MPZL1: variants seen among roughly 807,000 people sequenced by gnomAD.
The protein encoded by MPZL1 is myelin protein zero-like protein 1.
A neutral mutation model predicts 29.3 loss-of-function variants in MPZL1; 16 were observed. The ratio of observed to expected loss-of-function variants is 0.55; its 90% CI spans 0.37 to 0.83. The LOEUF (loss-of-function observed/expected upper bound fraction) is 0.83. MPZL1 is among the 40% of genes least tolerant of loss of function. The probability of loss-of-function intolerance (pLI) is 0.00; values close to 1 mark genes in which losing one functional copy is unlikely to be tolerated. For synonymous variants in MPZL1, 143 were observed against 132.0 expected (o/e 1.08, Z -0.57); for missense variants, 279 against 332.9 (o/e 0.84, Z 1.26).
intron 1 of MPZL1, among the ~76,000 whole-genome samples, chr1:167,733,456 G>A (rs1367080011): frequency 6.6e-6 from 1 of 152,160 alleles, no homozygotes; most frequent in Non-Finnish European, 1.5e-5. Flanking sequence ...TGAAAGGTGT[G>A]TCCTCTGGCT....
chr1:167,728,145 T>C (rs2101745437), intron 1 of MPZL1, among the ~76,000 whole-genome samples: 1 of 151,614 alleles, frequency 6.6e-6, no homozygotes, highest in East Asian at 1.9e-4. Flanking sequence ...GTTCAAGCGA[T>C]TCTTCTGCCT....
intron 5 of MPZL1, among the ~76,000 whole-genome samples, chr1:167,782,663 A>G (rs1324861746): frequency 9.2e-5 from 14 of 152,240 alleles, no homozygotes; most frequent in Non-Finnish European, 1.3e-4. Flanking sequence ...TACCTTACGT[A>G]TCAAAAAGGA....
chr1:167,769,324 A>T (rs182346334), intron 2 of MPZL1, among the ~76,000 whole-genome samples: 166 of 152,308 alleles, frequency 1.1e-3, no homozygotes, highest in African/African-American at 3.8e-3. Context: ...AGCAAAGGAC[A>T]AATTTGTGTA....
rs755348064 is a variant in MPZL1 at position 167,751,899 on chromosome 1, A to T, written c.92-13684A>T. Among the ~76,000 whole-genome samples the T allele has an allele frequency of 1.3e-3, 198 of 152,298 alleles. 1 individual carries two copies. Among genetic ancestry groups the T allele is most frequent in the Non-Finnish European group, 2.4e-3 (164 of 68,008 alleles). ...ACAAAAATCCTTTGGGGAAAAAATT[A>T]TTCCAATAAATTTTCCAGTAATTAT... On this transcript the variant is annotated intron_variant, in intron 1 of 5. Transcript: ENST00000359523.
intron 1 of MPZL1, among the ~76,000 whole-genome samples, chr1:167,750,738 T>C (rs1023128489): frequency 4.6e-5 from 7 of 152,220 alleles, no homozygotes; most frequent in Non-Finnish European, 8.8e-5. Flanking sequence ...AACAGTACTG[T>C]TATCTAATAT....
intron 1 of MPZL1, among the ~76,000 whole-genome samples, chr1:167,746,856 G>A (rs1347063267): frequency 6.6e-6 from 1 of 151,634 alleles, no homozygotes; most frequent in Non-Finnish European, 1.5e-5. Flanking sequence ...TGTAGAGGGA[G>A]GCTTTATCAC....
At chr1:167,723,444 A>G (rs903431190) in intron 1 of MPZL1, among the ~76,000 whole-genome samples, 10 of 152,232 alleles carry the variant, frequency 6.6e-5, no homozygotes, top group African/African-American at 2.4e-4. Flanking sequence ...ATGATGACAC[A>G]CTTTGTGTAA....
At chr1:167,736,651 C>G (rs1462856957) in intron 1 of MPZL1, among the ~76,000 whole-genome samples, 2 of 152,114 alleles carry the variant, frequency 1.3e-5, no homozygotes, top group African/African-American at 4.8e-5. Context: ...AGATCTCTGC[C>G]AGTGTTTACC....
At chr1:167,726,980 A>G (rs1309966587) in intron 1 of MPZL1, among the ~76,000 whole-genome samples, 1 of 152,104 alleles carries the variant, frequency 6.6e-6, no homozygotes, top group Non-Finnish European at 1.5e-5. Flanking sequence ...CAAAGGACAG[A>G]TTAAATTCCC....
At chr1:167,784,305 CA>C (rs538522208) in intron 5 of MPZL1, among the ~76,000 whole-genome samples, 93 of 152,226 alleles carry the variant, frequency 6.1e-4, no homozygotes, top group Middle Eastern at 6.8e-3. Context: ...AAAACATACT[CA>C]GACCAATTTT....
At chr1:167,767,177 G>A (rs750969295) in intron 2 of MPZL1, among the ~76,000 whole-genome samples, 28 of 152,324 alleles carry the variant, frequency 1.8e-4, no homozygotes, top group Admixed American at 3.9e-4. Flanking sequence ...AGCCATAAGG[G>A]TGAGCACAGG....
intron 2 of MPZL1, among the ~76,000 whole-genome samples, chr1:167,768,411 G>A (rs1353612597): frequency 6.7e-6 from 1 of 148,440 alleles, no homozygotes; most frequent in Non-Finnish European, 1.5e-5. Flanking sequence ...TAACCTTTTA[G>A]CCCTTAAAAC....
At chr1:167,761,314 A>G (rs1660982406) in intron 1 of MPZL1, among the ~76,000 whole-genome samples, 3 of 152,192 alleles carry the variant, frequency 2.0e-5, no homozygotes, top group Admixed American at 2.0e-4. Context: ...GTGGTAATTC[A>G]GTAGTGAGTG....
At chr1:167,728,669 C>T (rs1165856771) in intron 1 of MPZL1, among the ~76,000 whole-genome samples, 1 of 152,036 alleles carries the variant, frequency 6.6e-6, no homozygotes, top group African/African-American at 2.4e-5. Flanking sequence ...ACTGTGATAC[C>T]TTATGATACC....
rs963499660 is a variant in MPZL1, at chr1:167,788,873, CT to C, written c.*955del. On this transcript the variant is annotated 3_prime_UTR_variant, in exon 6 of 6. Coordinates refer to ENST00000359523, the MANE Select transcript of MPZL1 (RefSeq NM_003953.6). ...AGCTCGCTCTCTAGAGAATCACCTT[CT>C]TTCGCTTTTTTTTTTTTTTTTGAGG... is the stretch of plus-strand genomic sequence containing the variant. The C allele has an allele frequency of 4.3e-5, 5 of 115,242 alleles. No individual in the cohort carries two copies. The highest frequency in any genetic ancestry group is 1.1e-4 in the Admixed American group (1 of 8,952). The allele number at this position is 115,242 out of a possible 1,614,324, so 7.1% of individuals were successfully genotyped here.
intron 1 of MPZL1, among the ~76,000 whole-genome samples, chr1:167,730,818 CCAAA>C (rs373579374): frequency 1.3e-5 from 2 of 152,228 alleles, no homozygotes; most frequent in Non-Finnish European, 2.9e-5. Flanking sequence ...TACAGAATGT[CCAAA>C]CAGGCCCAGG....
chr1:167,779,220 A>G (rs927314497), intron 5 of MPZL1, among the ~76,000 whole-genome samples: 1 of 152,220 alleles, frequency 6.6e-6, no homozygotes, highest in Non-Finnish European at 1.5e-5. Flanking sequence ...AAAAAGGGAG[A>G]GAAAAAAATA....
chr1:167,755,835 T>G (rs1008307894), intron 1 of MPZL1, among the ~76,000 whole-genome samples: 10 of 152,178 alleles, frequency 6.6e-5, no homozygotes, highest in Admixed American at 5.9e-4. Flanking sequence ...CCAGTACATT[T>G]AGAGGCTGAG....
At chr1:167,778,061 G>A (rs1207971318) in intron 5 of MPZL1, among the ~76,000 whole-genome samples, 1 of 152,164 alleles carries the variant, frequency 6.6e-6, no homozygotes, top group East Asian at 1.9e-4. Flanking sequence ...GGTGGCTCAC[G>A]CCTGTAATCC....
Sources: allele counts gnomAD v4.1 joint callset (sites outside exome capture counted in the v4.1 genomes callset), GRCh38; gene constraint gnomAD v4.1.1; transcripts MANE v1.5; gene names NCBI Gene and HGNC (gene_info 2026-07-23, HGNC 2026-07-21).